Variants in GOLM2 observed in about 807,000 individuals in gnomAD.
GOLM2 encodes the protein protein GOLM2.
Under a neutral mutation model 55.9 loss-of-function variants are expected in GOLM2, and 26 were observed. The ratio of observed to expected loss-of-function variants is 0.47; its 90% CI spans 0.34 to 0.65. The LOEUF (loss-of-function observed/expected upper bound fraction) is 0.65. Ranked by LOEUF, GOLM2 falls within the 30% of genes least tolerant of loss-of-function variation. The probability of loss-of-function intolerance (pLI) is 0.01; values close to 1 mark genes in which losing one functional copy is unlikely to be tolerated. For synonymous variants in GOLM2, 165 were observed against 194.6 expected, an observed-to-expected ratio of 0.85 and a Z score of 1.27; for missense variants, 486 against 531.8, an observed-to-expected ratio of 0.91 and a Z score of 0.85.
At chr15:44,399,162 G>C (rs2079548792) in intron 8 of GOLM2, among the ~76,000 whole-genome samples, 1 of 152,006 alleles carries the variant, frequency 6.6e-6, no homozygotes, top group Non-Finnish European at 1.5e-5. Context: ...ACATTGACAT[G>C]TGGCTCTTAA....
At chr15:44,368,209 C>T (rs751446300) in intron 6 of GOLM2, among the ~76,000 whole-genome samples, 2 of 151,708 alleles carry the variant, frequency 1.3e-5, no homozygotes, top group Non-Finnish European at 2.9e-5. Context: ...ATGATATCGG[C>T]TCATTGCAAC....
intron 6 of GOLM2, among the ~76,000 whole-genome samples, chr15:44,357,125 T>C (rs1052034722): frequency 2.2e-4 from 34 of 151,598 alleles, no homozygotes; most frequent in Admixed American, 2.2e-3. Flanking sequence ...TAAGCCAAGA[T>C]CACATCATTG....
chr15:44,387,275 A>G (rs1482142699), intron 8 of GOLM2: 1 of 151,688 alleles, frequency 6.6e-6, no homozygotes, highest in Non-Finnish European at 1.5e-5. Context: ...CTTTCAATCC[A>G]TAAATATGGG....
Position 44,289,267 on chromosome 15 carries a change from C to G in GOLM2, c.238C>G (p.Gln80Glu), listed in dbSNP as rs901991379. The G allele has an allele frequency of 3.5e-5, 57 of 1,614,036 alleles. No individual in the cohort carries two copies. Among genetic ancestry groups the G allele is most frequent in the Non-Finnish European group, 4.8e-5 (57 of 1,179,976 alleles). ...GCTGTTGGTGGACACGCACAAGAAA[C>G]AGATCGACCAGAAGGAGGCCGACTA... Reference protein sequence around the residue: ...LLLLVDTHKKQIDQKEADYGR... With the variant: ...LLLLVDTHKKEIDQKEADYGR... Residue 80 changes from glutamine (Q) to glutamate (E), a missense_variant, in exon 1 of 10, where the codon CAG becomes GAG. Transcript: ENST00000299957. The surrounding 1 kb of genome is among the most constrained non-coding windows in gnomAD (Gnocchi z 4.8).
intron 6 of GOLM2, chr15:44,348,608 C>G (rs1038277887): frequency 6.6e-6 from 1 of 152,272 alleles, no homozygotes; most frequent in Non-Finnish European, 1.5e-5. Context: ...AGGAAGGACA[C>G]AAGCCCAGCT....
intron 2 of GOLM2, among the ~76,000 whole-genome samples, chr15:44,328,299 G>A (rs1334926586): frequency 6.6e-6 from 1 of 152,150 alleles, no homozygotes; most frequent in Non-Finnish European, 1.5e-5. Flanking sequence ...GGGCAACATG[G>A]CTAACCCATA....
Position 44,302,595 on chromosome 15 carries a change from A to C in GOLM2, c.327+13239A>C, listed in dbSNP as rs1338716519. Among the ~76,000 whole-genome samples the C allele has an allele frequency of 2.0e-5, 3 of 151,824 alleles. No individual in the cohort carries two copies. The East Asian group carries it at 5.8e-4, about 29-fold the overall frequency. Reference sequence around the variant, plus strand: ...AACCTCCACCTCCTAGATTCAATCGAGCTTCCTGCCTCAGCCTCCCAGGTA... The same window carrying C: ...AACCTCCACCTCCTAGATTCAATCGCGCTTCCTGCCTCAGCCTCCCAGGTA... On this transcript the variant is annotated intron_variant, in intron 1 of 9. Transcript: ENST00000299957.
At chr15:44,306,351 T>C (rs2078837165) in intron 1 of GOLM2, among the ~76,000 whole-genome samples, 1 of 152,166 alleles carries the variant, frequency 6.6e-6, no homozygotes. Flanking sequence ...GCTTCCGACT[T>C]TTCTTGTACA....
At chr15:44,376,062 C>G (rs187188444) in intron 6 of GOLM2, among the ~76,000 whole-genome samples, 1 of 152,114 alleles carries the variant, frequency 6.6e-6, no homozygotes, top group Admixed American at 6.6e-5. Context: ...CATGGAGAAA[C>G]CCCATCTCTA....
intron 1 of GOLM2, among the ~76,000 whole-genome samples, chr15:44,302,476 T>C (rs980397507): frequency 6.7e-6 from 1 of 150,116 alleles, no homozygotes; most frequent in Admixed American, 6.7e-5. Flanking sequence ...TCCAATGATA[T>C]ATTGTGAATT....
intron 6 of GOLM2, among the ~76,000 whole-genome samples, chr15:44,351,593 A>C (rs2079164451): frequency 6.7e-6 from 1 of 149,958 alleles, no homozygotes; most frequent in African/African-American, 2.5e-5. Context: ...AAAAAAAAAA[A>C]AAAAACACAG....
chr15:44,401,163 G>T (rs1387415034), intron 8 of GOLM2, among the ~76,000 whole-genome samples: 11 of 152,084 alleles, frequency 7.2e-5, no homozygotes, highest in Admixed American at 6.6e-4. Flanking sequence ...GTAGGCTGGG[G>T]TGCAGTGGCA....
chr15:44,337,523 C>T (rs528613317), intron 4 of GOLM2, among the ~76,000 whole-genome samples: 1 of 152,222 alleles, frequency 6.6e-6, no homozygotes, highest in East Asian at 1.9e-4. Flanking sequence ...AGAGTCACCT[C>T]TGCCTACCAA....
intron 6 of GOLM2, among the ~76,000 whole-genome samples, chr15:44,353,432 A>T (rs550843233): frequency 3.3e-5 from 5 of 152,234 alleles, no homozygotes; most frequent in East Asian, 1.9e-4. Context: ...TATGCAGAAA[A>T]ATATATATAT....
chr15:44,412,170 AAAACAAACAAAC>A (rs60520310), intron 9 of GOLM2, among the ~76,000 whole-genome samples: 5 of 152,186 alleles, frequency 3.3e-5, no homozygotes, highest in African/African-American at 1.2e-4. Context: ...CTGTCTCAGA[AAAACAAACAAAC>A]AAACAAACAA....
chr15:44,312,688 A>G (rs757973853), intron 1 of GOLM2, among the ~76,000 whole-genome samples: 2 of 151,948 alleles, frequency 1.3e-5, no homozygotes, highest in Non-Finnish European at 2.9e-5. Context: ...GCTCATGCCT[A>G]TAATCCCAGC....
chr15:44,296,474 A>G (rs1595611505), intron 1 of GOLM2, among the ~76,000 whole-genome samples: 2 of 152,320 alleles, frequency 1.3e-5, no homozygotes, highest in East Asian at 3.9e-4. Context: ...TGAATGGGGA[A>G]AAGGTCATAT....
At chr15:44,310,702 C>CTCAA (rs918794099) in intron 1 of GOLM2, among the ~76,000 whole-genome samples, 3 of 150,348 alleles carry the variant, frequency 2.0e-5, no homozygotes. Flanking sequence ...AAGACCCTGT[C>CTCAA]TCAATCAATC....
Position 44,402,889 on chromosome 15 carries a change from C to T in GOLM2, c.1075C>T (p.Arg359Ter), listed in dbSNP as rs2079574639. The change falls in exon 9 of 10, where the codon CGA becomes TGA. Residue 359 changes from arginine (R) to a stop codon, truncating the protein, a stop_gained and splice_region_variant. Transcript: ENST00000299957. LOFTEE classifies it high-confidence loss of function. Reference sequence around the variant, plus strand: ...TTAATCCTCTACCTACTTCACAGGCCGATTCTTTGATGAAAATGAATCCCC... The same window carrying T: ...TTAATCCTCTACCTACTTCACAGGCTGATTCTTTGATGAAAATGAATCCCC... ...VSDFHKLKQS[R>*]FFDENESPVD... The T allele has an allele frequency of 4.3e-6, 7 of 1,613,678 alleles. No individual in the cohort carries two copies. The highest frequency in any genetic ancestry group is 2.2e-5 in the South Asian group (2 of 91,048).
Sources: allele counts gnomAD v4.1 joint callset (sites outside exome capture counted in the v4.1 genomes callset), GRCh38; gene constraint gnomAD v4.1.1; non-coding constraint Gnocchi (gnomAD v3.1); transcripts MANE v1.5; gene names NCBI Gene and HGNC (gene_info 2026-07-23, HGNC 2026-07-21).